CEP95: variants seen among roughly 807,000 people sequenced by gnomAD.
CEP95 encodes centrosomal protein of 95 kDa.
Under a neutral mutation model 111.2 loss-of-function variants are expected in CEP95, and 98 were observed. The ratio of observed to expected loss-of-function variants is 0.88; its 90% CI spans 0.75 to 1.04. The LOEUF (loss-of-function observed/expected upper bound fraction) is 1.04, where lower values mean the gene tolerates loss of function less well. Among genes scored for constraint, CEP95 ranks in the 50% least tolerant of loss-of-function variants. The pLI is 0.00. For missense variants in CEP95, 1,027 were observed against 977.2 expected (o/e 1.05, Z -0.68); for synonymous variants, 323 against 327.1 (o/e 0.99, Z 0.14).
intron 14 of CEP95, 37 bp from the exon 15 acceptor site, chr17:64,532,802 A>C: frequency 6.3e-7 from 1 of 1,586,342 alleles, no homozygotes. Flanking sequence ...GTTCTTGTCC[A>C]CGTCTCAGAT....
intron 1 of CEP95, chr17:64,508,024 A>G: frequency 1.0e-6 from 1 of 985,118 alleles, no homozygotes; most frequent in Non-Finnish European, 1.2e-6. Context: ...ATAGATCGAT[A>G]TAATAAAAAA....
intron 2 of CEP95, among the ~76,000 whole-genome samples, chr17:64,509,224 A>G (rs1395379025): frequency 2.6e-5 from 4 of 152,210 alleles, no homozygotes; most frequent in African/African-American, 9.7e-5. Context: ...CATCTTGCTC[A>G]CCATCTCACT....
intron 7 of CEP95, 95 bp downstream of exon 7, chr17:64,521,622 G>A: frequency 1.7e-6 from 2 of 1,151,966 alleles, no homozygotes; most frequent in African/African-American, 3.1e-5. Flanking sequence ...TGCTGTATAT[G>A]AGATCCTTTT....
chr17:64,522,737 A>G lies in CEP95; in HGVS notation c.751A>G (p.Arg251Gly). 1 of 1,613,470 alleles carries G rather than the reference A, an allele frequency of 6.2e-7. No homozygotes were observed. The highest frequency in any genetic ancestry group is 2.2e-5 in the East Asian group (1 of 44,880). Residue 251 changes from arginine (R) to glycine (G), a missense_variant, in exon 8 of 20, where the codon AGG becomes GGG. Coordinates refer to ENST00000556440, the MANE Select transcript of CEP95 (RefSeq NM_138363.3). ...TLSVSGIPNA[R>G]KLGEPIRAAI... ...TTCTGTGAGTGGGATTCCAAATGCT[A>G]GGAAGCTAGGGGAGCCTATCCGAGC... is the stretch of plus-strand genomic sequence containing the variant.
chr17:64,532,176 T>A, intron 14 of CEP95, 154 bp downstream of exon 14: 3 of 1,352,726 alleles, frequency 2.2e-6, no homozygotes, highest in Non-Finnish European at 2.8e-6. Context: ...TGGTTTTCCG[T>A]AGAGGGCTAA....
At chr17:64,507,386 A>G (rs949224288) in intron 1 of CEP95, 3 of 1,395,534 alleles carry the variant, frequency 2.1e-6, no homozygotes, top group Admixed American at 3.1e-5. Context: ...AAGAGCGGTC[A>G]GAAGGGTCGT....
intron 7 of CEP95, 93 bp downstream of exon 7, chr17:64,521,620 A>G (rs117689428): frequency 1.1e-4 from 131 of 1,158,254 alleles, no homozygotes; most frequent in Non-Finnish European, 1.5e-4. Flanking sequence ...ATTGCTGTAT[A>G]TGAGATCCTT....
chr17:64,531,131 T>C (rs1968248739), intron 13 of CEP95, 113 bp downstream of exon 13: 1 of 535,320 alleles, frequency 1.9e-6, no homozygotes, highest in African/African-American at 1.9e-5. Context: ...ATGAGCTCTT[T>C]AGGAAAAGGC....
rs569029805 is a variant in CEP95, at chr17:64,509,933, A to C, written c.149-240A>C. On this transcript the variant is annotated intron_variant, in intron 2 of 19. Coordinates refer to ENST00000556440, the MANE Select transcript of CEP95 (RefSeq NM_138363.3). ...TATATATATATATGGTGTAATAAAT[A>C]TTCAACCGTATTCAACCAGTCTAAT... is the stretch of plus-strand genomic sequence containing the variant. 5.3e-5 allele frequency among the ~76,000 whole-genome samples: 8 copies of C among 152,226 alleles called. No homozygotes were observed. The South Asian group carries it at 1.7e-3, about 32-fold the overall frequency.
Position 64,519,446 on chromosome 17 carries a change from T to TA in CEP95, c.589+13dup. 6.4e-7 allele frequency: 1 copy of TA among 1,561,012 alleles called. No homozygotes were observed. Among genetic ancestry groups the TA allele is most frequent in the Middle Eastern group, 1.7e-4 (1 of 5,976 alleles). The stretch of plus-strand genomic sequence containing the variant: ...TCTCTAAGAAGTAATGGTGAGTAGT[T>TA]AAACCTGAAGTATCAGTTATTATTC... On this transcript the variant is annotated intron_variant, in intron 6 of 19. Transcript: ENST00000556440.
At position 64,530,982 on chromosome 17, in the gene CEP95, T is replaced by C. The variant is rs1968237639; in HGVS notation, c.1503T>C (p.Ile501=). 4 of 1,559,332 alleles carry C rather than the reference T, an allele frequency of 2.6e-6. No individual in the cohort carries two copies. The highest frequency in any genetic ancestry group is 3.5e-6 in the Non-Finnish European group (4 of 1,150,524). ...ELRRHKVQEN[I]GPLRIHEKEE... is the part of the protein sequence containing the mutation. ...GAAGACATAAAGTTCAAGAGAATAT[T>C]GGACCTCTAAGAATACATGAGAAGG... The change falls in exon 13 of 20, where the codon ATT becomes ATC. Residue 501 remains isoleucine, a synonymous_variant. Coordinates refer to ENST00000556440, the MANE Select transcript of CEP95 (RefSeq NM_138363.3).
In CEP95 at chr17:64,525,998, C is replaced by T. The variant is rs905834318; in HGVS notation, c.1023-73C>T. The stretch of plus-strand genomic sequence containing the variant: ...CCAGAATGAAGTATTTGTTAAAGTA[C>T]GTATTACAGTTATTTTAAACTAAAT... On this transcript the variant is annotated intron_variant, in intron 9 of 19. Transcript: ENST00000556440. 5 of 1,525,854 alleles carry T rather than the reference C, an allele frequency of 3.3e-6. No homozygotes were observed. In the African/African-American group the frequency reaches 5.6e-5, roughly 17 times the overall value. 94.5% of individuals were successfully genotyped at this position (1,525,854 alleles called of 1,614,324 possible). A position where few individuals can be genotyped will look rare whatever the true frequency, so the allele number is the denominator to read the frequency against.
chr17:64,522,934 A>G (rs1234466580), intron 8 of CEP95, 39 bp downstream of exon 8: 5 of 1,472,230 alleles, frequency 3.4e-6, no homozygotes, highest in Admixed American at 1.9e-5. Context: ...CTAGAAGTAC[A>G]CTTGTATGTA....
At chr17:64,515,203 G>C (rs1420878387) in intron 4 of CEP95, among the ~76,000 whole-genome samples, 1 of 152,188 alleles carries the variant, frequency 6.6e-6, no homozygotes, top group East Asian at 1.9e-4. Context: ...AGGATTCCAA[G>C]CTGCTTGTCA....
intron 9 of CEP95, 58 bp downstream of exon 9, chr17:64,525,940 C>A: frequency 6.8e-7 from 1 of 1,470,870 alleles, no homozygotes; most frequent in Non-Finnish European, 9.2e-7. Context: ...TTTGAAAATG[C>A]AGGGGCATGA....
At chr17:64,506,887 C>G (rs180961416), upstream of CEP95, 411 of 651,882 alleles carry the variant, frequency 6.3e-4, 3 homozygotes, top group African/African-American at 6.4e-3. Context: ...CCAAACCGCC[C>G]CCGTTTCACG....
Position 64,532,862 on chromosome 17 carries a change from C to T in CEP95, c.1696C>T (p.Leu566=). The T allele has an allele frequency of 6.2e-7, 1 of 1,612,858 alleles. No homozygotes were observed. The highest frequency in any genetic ancestry group is 2.2e-5 in the East Asian group (1 of 44,860). ...AGTGAAAGTAAGTGAACACAGTCTC[C>T]TGCCCCTTATGCTGGAGCAGTTTCC... ...VPMKVSEHSL[L]PLMLEQFPFL... The change falls in exon 15 of 20, where the codon CTG becomes TTG. Residue 566 remains leucine, a synonymous_variant. Transcript: ENST00000556440.
chr17:64,529,274 TTTCTCTG>T lies in CEP95; in HGVS notation c.1307-11_1307-5del. 6.2e-7 allele frequency: 1 copy of T among 1,603,752 alleles called. No individual in the cohort carries two copies. Among genetic ancestry groups the T allele is most frequent in the Non-Finnish European group, 8.5e-7 (1 of 1,176,578 alleles). ...TATCAGGAACTAATGTTATATGTCT[TTTCTCTG>T]TTGCAGGACTTTCCATGCGTAGAAA... is the stretch of plus-strand genomic sequence containing the variant. On this transcript the variant is annotated splice_polypyrimidine_tract_variant and splice_region_variant and intron_variant, in intron 11 of 19. Coordinates refer to ENST00000556440, the MANE Select transcript of CEP95 (RefSeq NM_138363.3).
intron 5 of CEP95, among the ~76,000 whole-genome samples, chr17:64,517,624 G>C (rs1229309624): frequency 6.6e-6 from 1 of 151,356 alleles, no homozygotes; most frequent in Non-Finnish European, 1.5e-5. Context: ...GTTCACTGTA[G>C]CCTTGAACTC....
Sources: allele counts gnomAD v4.1 joint callset (sites outside exome capture counted in the v4.1 genomes callset), GRCh38; gene constraint gnomAD v4.1.1; transcripts MANE v1.5; gene names NCBI Gene and HGNC (gene_info 2026-07-23, HGNC 2026-07-21).